LRRFIP1: variants seen among roughly 807,000 people sequenced by gnomAD.
The protein encoded by LRRFIP1 is LRR binding FLII interacting protein 1.
Under a neutral mutation model 104.4 loss-of-function variants are expected in LRRFIP1, and 62 were observed. The ratio of observed to expected loss-of-function variants is 0.59; its 90% CI spans 0.48 to 0.73. LRRFIP1 has a LOEUF of 0.73. Among genes scored for constraint, LRRFIP1 ranks in the 30% least tolerant of loss-of-function variants. LRRFIP1 has a pLI of 0.00. For missense variants in LRRFIP1, 796 were observed against 824.5 expected (o/e 0.97, Z 0.42); for synonymous variants, 300 against 299.0 (o/e 1.00, Z -0.03).
chr2:237,632,174 C>A (rs1414646693), intron 1 of LRRFIP1, among the ~76,000 whole-genome samples: 16 of 150,412 alleles, frequency 1.1e-4, no homozygotes, highest in Non-Finnish European at 1.2e-4. Flanking sequence ...CACACTGCCC[C>A]CAAGGAGTCC....
intron 11 of LRRFIP1, among the ~76,000 whole-genome samples, chr2:237,746,709 G>A (rs1275355539): frequency 2.0e-5 from 3 of 152,242 alleles, no homozygotes; most frequent in East Asian, 1.9e-4. Flanking sequence ...GGAGAGAGCC[G>A]TCTTCACTGC....
intron 1 of LRRFIP1, among the ~76,000 whole-genome samples, chr2:237,679,598 C>T (rs1283827439): frequency 6.6e-6 from 1 of 152,182 alleles, no homozygotes. Context: ...CAAAGCATTC[C>T]TATATCCTAC....
intron 1 of LRRFIP1, among the ~76,000 whole-genome samples, chr2:237,662,460 GT>G (rs769840893): frequency 1.2e-4 from 18 of 152,122 alleles, no homozygotes; most frequent in Non-Finnish European, 2.2e-4. Flanking sequence ...GTGCTAAGGT[GT>G]GGTGTGTGCC....
intron 13 of LRRFIP1, among the ~76,000 whole-genome samples, chr2:237,750,023 C>A (rs115591433): frequency 5.1e-4 from 77 of 152,272 alleles, no homozygotes; most frequent in African/African-American, 1.8e-3. Context: ...AAGACAGAAG[C>A]AGCTGAAAGG....
chr2:237,753,533 T>C (rs1298966572), intron 15 of LRRFIP1, 54 bp downstream of exon 15: 1 of 1,445,598 alleles, frequency 6.9e-7, no homozygotes, highest in Non-Finnish European at 9.2e-7. Context: ...CAGTGGCCCA[T>C]GCCTGTAATT....
intron 1 of LRRFIP1, chr2:237,692,265 C>CGCCCGA (rs998392577): frequency 1.3e-5 from 15 of 1,156,568 alleles, no homozygotes; most frequent in Non-Finnish European, 1.4e-5. Context: ...CTGTCGGCCG[C>CGCCCGA]GCCCGAGCCC....
intron 11 of LRRFIP1, among the ~76,000 whole-genome samples, chr2:237,742,120 C>T (rs11682514): frequency 0.049 from 7,406 of 152,236 alleles, 200 homozygotes; most frequent in Middle Eastern, 0.13. Context: ...GATACAAATT[C>T]CTTTGTCATG....
chr2:237,681,862 G>A (rs1374172164), intron 1 of LRRFIP1, among the ~76,000 whole-genome samples: 2 of 149,632 alleles, frequency 1.3e-5, no homozygotes, highest in African/African-American at 4.9e-5. Context: ...TGTATTTTTA[G>A]TAGAGACGGG....
At chr2:237,762,645 A>G in intron 19 of LRRFIP1, 1 of 1,609,666 alleles carries the variant, frequency 6.2e-7, no homozygotes, top group Middle Eastern at 1.7e-4. Flanking sequence ...ATCGTGGCGA[A>G]TGTGGGGAAA....
Position 237,756,205 on chromosome 2 carries a change from GCTTTT to G in LRRFIP1, c.1131+25_1131+29del, listed in dbSNP as rs757009416. On this transcript the variant is annotated intron_variant, in intron 16 of 23. Transcript: ENST00000308482. ...TGCTCGAGGTAGGTAGCATTCTCCT[GCTTTT>G]CTTTTCCTTTTTTCCCTTTGGAGCA... 134 of 1,593,234 alleles carry G rather than the reference GCTTTT, an allele frequency of 8.4e-5. 1 individual carries two copies. The highest frequency in any genetic ancestry group is 1.1e-4 in the Non-Finnish European group (129 of 1,163,292).
intron 19 of LRRFIP1, among the ~76,000 whole-genome samples, chr2:237,761,553 C>T (rs1483580403): frequency 6.6e-6 from 1 of 152,178 alleles, no homozygotes; most frequent in Non-Finnish European, 1.5e-5. Context: ...TGAAAGTGGC[C>T]TTCAAATGAC....
intron 11 of LRRFIP1, among the ~76,000 whole-genome samples, chr2:237,740,792 C>T (rs2150467693): frequency 6.6e-6 from 1 of 152,322 alleles, no homozygotes; most frequent in East Asian, 1.9e-4. Context: ...TGCAGAACTG[C>T]ACAGCCTCCA....
chr2:237,693,843 G>A (rs1465414301), intron 1 of LRRFIP1, among the ~76,000 whole-genome samples: 1 of 152,204 alleles, frequency 6.6e-6, no homozygotes, highest in Non-Finnish European at 1.5e-5. Context: ...AGGCACACCT[G>A]GAGCAGCTAA....
intron 23 of LRRFIP1, among the ~76,000 whole-genome samples, chr2:237,777,856 A>G (rs2061221512): frequency 6.6e-6 from 1 of 152,020 alleles, no homozygotes; most frequent in African/African-American, 2.4e-5. Context: ...ACATTTTTTA[A>G]CCATCTCTCT....
intron 1 of LRRFIP1, among the ~76,000 whole-genome samples, chr2:237,633,135 A>G (rs1398245088): frequency 6.6e-6 from 1 of 152,142 alleles, no homozygotes; most frequent in Non-Finnish European, 1.5e-5. Flanking sequence ...TCCTGCCTCC[A>G]GTTGGAACCC....
At chr2:237,665,998 G>A (rs1031690165) in intron 1 of LRRFIP1, among the ~76,000 whole-genome samples, 19 of 152,326 alleles carry the variant, frequency 1.2e-4, no homozygotes, top group Non-Finnish European at 1.6e-4. Context: ...CCCCAGGGGC[G>A]TCCCCCTCGG....
intron 18 of LRRFIP1, 96 bp from the exon 19 acceptor site, chr2:237,759,968 A>G: frequency 4.3e-6 from 5 of 1,161,138 alleles, no homozygotes; most frequent in Non-Finnish European, 6.2e-6. Flanking sequence ...CCTGTACTTC[A>G]GGAAAAAATG....
chr2:237,769,831 C>A, intron 19 of LRRFIP1, 112 bp from the exon 20 acceptor site: 1 of 810,210 alleles, frequency 1.2e-6, no homozygotes. Flanking sequence ...ACGTGTATAA[C>A]TACTTCCATC....
At chr2:237,676,961 TC>T (rs2091240775) in intron 1 of LRRFIP1, among the ~76,000 whole-genome samples, 1 of 152,256 alleles carries the variant, frequency 6.6e-6, no homozygotes, top group Non-Finnish European at 1.5e-5. Flanking sequence ...GCGCTGGCTT[TC>T]GTCTTCCTCC....
Sources: allele counts gnomAD v4.1 joint callset (sites outside exome capture counted in the v4.1 genomes callset), GRCh38; gene constraint gnomAD v4.1.1; transcripts MANE v1.5; gene names NCBI Gene and HGNC (gene_info 2026-07-23, HGNC 2026-07-21).